CCDC179: variants seen among roughly 807,000 people sequenced by gnomAD.
CCDC179 encodes coiled-coil domain-containing protein 179.
Under a neutral mutation model 12.0 loss-of-function variants are expected in CCDC179, and 17 were observed. That is an observed-to-expected ratio of 1.42 (90% CI 0.97 to 2.13). The LOEUF (loss-of-function observed/expected upper bound fraction) is 2.13, where lower values mean the gene tolerates loss of function less well. Among genes scored for constraint, CCDC179 ranks in the 30% most tolerant of loss-of-function variants. CCDC179 has a pLI of 0.00. For synonymous variants in CCDC179, 27 were observed against 26.4 expected (o/e 1.02, Z -0.07); for missense variants, 83 against 78.6 (o/e 1.06, Z -0.21).
chr11:22,854,970 G>GT (rs1320416326), intron 3 of CCDC179, among the ~76,000 whole-genome samples: 1 of 151,730 alleles, frequency 6.6e-6, no homozygotes, highest in African/African-American at 2.4e-5. Context: ...CAATGATAAA[G>GT]AGGGACATTA....
chr11:22,856,100 G>T (rs1019874071), intron 3 of CCDC179, among the ~76,000 whole-genome samples: 1 of 151,250 alleles, frequency 6.6e-6, no homozygotes, highest in Non-Finnish European at 1.5e-5. Flanking sequence ...ATTTAAAAAA[G>T]AAACTACTAA....
chr11:22,848,542 G>A (rs547221718), intron 3 of CCDC179, among the ~76,000 whole-genome samples: 1 of 152,232 alleles, frequency 6.6e-6, no homozygotes, highest in East Asian at 1.9e-4. Flanking sequence ...CACGTCCTCT[G>A]TTGTACTGGG....
chr11:22,853,088 C>T (rs1431140328), intron 3 of CCDC179, among the ~76,000 whole-genome samples: 1 of 152,068 alleles, frequency 6.6e-6, no homozygotes. Flanking sequence ...GAAATTTTAC[C>T]CTCTGATATC....
rs995320677 is a variant in CCDC179, at chr11:22,846,979, C to A, written c.*531G>T. ...CATACCTAAAAGTAAAATTTTAATT[C>A]AATATTCAAATTTTACCTTAAATGG... On this transcript the variant is annotated 3_prime_UTR_variant, in exon 4 of 4. Coordinates refer to ENST00000532798, the MANE Select transcript of CCDC179 (RefSeq NM_001195637.2). 1 of 151,788 alleles carries A rather than the reference C, an allele frequency of 6.6e-6. No homozygotes were observed. The highest frequency in any genetic ancestry group is 2.4e-5 in the African/African-American group (1 of 41,356). The allele number at this position is 151,788 out of a possible 1,614,324, so 9.4% of individuals were successfully genotyped here.
intron 3 of CCDC179, among the ~76,000 whole-genome samples, chr11:22,848,465 A>G (rs915035433): frequency 2.6e-5 from 4 of 152,140 alleles, no homozygotes; most frequent in Non-Finnish European, 4.4e-5. Context: ...AAAAAAGTTT[A>G]CAGACAAAAA....
chr11:22,855,954 G>C (rs1858519986), intron 3 of CCDC179, among the ~76,000 whole-genome samples: 1 of 151,158 alleles, frequency 6.6e-6, no homozygotes, highest in Non-Finnish European at 1.5e-5. Context: ...ATCTAAAAAG[G>C]ATTCAATCTA....
rs988073876 is a variant in CCDC179, at chr11:22,858,265, C to A, written c.91-239G>T. 3 of 295,238 alleles carry A rather than the reference C, an allele frequency of 1.0e-5. No individual in the cohort carries two copies. The Admixed American group carries it at 1.5e-4, about 15-fold the overall frequency. The allele number at this position is 295,238 out of a possible 1,614,324, so 18.3% of individuals were successfully genotyped here. ...TTCAAATAAGACTATTCTTGATTCT[C>A]ATCTTACCACTGCATACACTTAAGT... On this transcript the variant is annotated intron_variant, in intron 2 of 3. Transcript: ENST00000532798.
At chr11:22,852,778 T>C (rs1374678134) in intron 3 of CCDC179, among the ~76,000 whole-genome samples, 1 of 152,236 alleles carries the variant, frequency 6.6e-6, no homozygotes, top group African/African-American at 2.4e-5. Flanking sequence ...CCTGTTTAGC[T>C]GGCTCTATGT....
chr11:22,850,064 A>C (rs1023968806), intron 3 of CCDC179, among the ~76,000 whole-genome samples: 4 of 152,070 alleles, frequency 2.6e-5, no homozygotes, highest in African/African-American at 7.2e-5. Flanking sequence ...CCTCACTCTA[A>C]TCTTCTTATG....
chr11:22,859,109 AGAGACCTTAG>A (rs1858603901), intron 2 of CCDC179, among the ~76,000 whole-genome samples: 1 of 152,094 alleles, frequency 6.6e-6, no homozygotes, highest in African/African-American at 2.4e-5. Context: ...CACCTCTGGG[AGAGACCTTAG>A]GAGGTAGAAT....
Position 22,847,136 on chromosome 11 carries a change from G to A in CCDC179, c.*374C>T, listed in dbSNP as rs1198523000. On this transcript the variant is annotated 3_prime_UTR_variant, in exon 4 of 4. Coordinates refer to ENST00000532798, the MANE Select transcript of CCDC179 (RefSeq NM_001195637.2). ...AAATGGAAGTCATTATAAATATACA[G>A]CAGAGGAAATCTGGTGTTCTATTAT... The A allele has an allele frequency of 6.3e-6, 1 of 159,822 alleles. No individual in the cohort carries two copies. The highest frequency in any genetic ancestry group is 1.4e-5 in the Non-Finnish European group (1 of 73,362). 9.9% of individuals were successfully genotyped at this position (159,822 alleles called of 1,614,324 possible). A position where few individuals can be genotyped will look rare whatever the true frequency, so the allele number is the denominator to read the frequency against.
At chr11:22,858,302 C>T (rs1858576676) in intron 2 of CCDC179, 1 of 233,804 alleles carries the variant, frequency 4.3e-6, no homozygotes, top group Non-Finnish European at 8.2e-6. Context: ...GATCCAGACT[C>T]ATGGATTAGT....
chr11:22,853,672 G>T (rs1181177234), intron 3 of CCDC179, among the ~76,000 whole-genome samples: 3 of 150,452 alleles, frequency 2.0e-5, no homozygotes, highest in Non-Finnish European at 4.4e-5. Flanking sequence ...GAAGGAAGGA[G>T]GAGAGGAAGA....
intron 3 of CCDC179, among the ~76,000 whole-genome samples, chr11:22,857,180 A>G (rs907446497): frequency 3.3e-5 from 5 of 151,798 alleles, no homozygotes; most frequent in Admixed American, 3.3e-4. Context: ...TCTAAATTTT[A>G]TATTGAAAGG....
At chr11:22,847,853 G>T (rs964853475) in intron 3 of CCDC179, among the ~76,000 whole-genome samples, 1 of 152,066 alleles carries the variant, frequency 6.6e-6, no homozygotes, top group Non-Finnish European at 1.5e-5. Context: ...TTTGAGAAAG[G>T]TCAAAGTCAT....
chr11:22,848,988 G>A (rs1377108493), intron 3 of CCDC179, among the ~76,000 whole-genome samples: 3 of 152,164 alleles, frequency 2.0e-5, no homozygotes, highest in Non-Finnish European at 4.4e-5. Flanking sequence ...CAAAATTAAA[G>A]TAACTGTTTT....
chr11:22,850,172 A>G (rs1426206187), intron 3 of CCDC179, among the ~76,000 whole-genome samples: 2 of 152,152 alleles, frequency 1.3e-5, no homozygotes, highest in Admixed American at 6.5e-5. Context: ...TTTGAACATG[A>G]TTGGTACAAT....
intron 3 of CCDC179, among the ~76,000 whole-genome samples, chr11:22,850,955 TATATATATATATATATA>T (rs1858367371): frequency 3.2e-4 from 3 of 9,252 alleles, no homozygotes; most frequent in African/African-American, 6.5e-4. Context: ...TATATATATA[TATATATATATATATATA>T]TATATTTTTT....
At chr11:22,853,821 A>G (rs1858475238) in intron 3 of CCDC179, among the ~76,000 whole-genome samples, 1 of 152,024 alleles carries the variant, frequency 6.6e-6, no homozygotes, top group Non-Finnish European at 1.5e-5. Flanking sequence ...ACAACAAACC[A>G]CAGATTCAGA....
Sources: gnomAD v4.1 joint callset for allele counts (sites outside exome capture counted in the v4.1 genomes callset) on GRCh38, gnomAD v4.1.1 for gene constraint, MANE v1.5 for transcripts, NCBI Gene and HGNC (gene_info 2026-07-23, HGNC 2026-07-21) for gene names.